LONP2: variants seen among roughly 807,000 people sequenced by gnomAD.
LONP2 encodes lon peptidase 2, peroxisomal.
A neutral mutation model predicts 85.6 loss-of-function variants in LONP2; 60 were observed. That is an observed-to-expected ratio of 0.70 (90% CI 0.57 to 0.87). The LOEUF (loss-of-function observed/expected upper bound fraction) is 0.87. Ranked by LOEUF, LONP2 falls within the 40% of genes least tolerant of loss-of-function variation. LONP2 has a pLI of 0.00. For missense variants in LONP2, 860 were observed against 1,063.5 expected, an observed-to-expected ratio of 0.81 and a Z score of 2.66; for synonymous variants, 395 against 389.7, an observed-to-expected ratio of 1.01 and a Z score of -0.16.
In LONP2 at chr16:48,329,268, A is replaced by G. The variant is rs78056591; in HGVS notation, c.1796-4948A>G. The stretch of plus-strand genomic sequence containing the variant: ...GAAATAATCCACTCGTAAGTTTTAA[A>G]TTGTGCACTATTCTGGGCAGTGTGA... On this transcript the variant is annotated intron_variant, in intron 11 of 14. Coordinates refer to ENST00000285737, the MANE Select transcript of LONP2 (RefSeq NM_031490.5). 5.8e-3 allele frequency among the ~76,000 whole-genome samples: 885 copies of G among 152,270 alleles called. 9 individuals are homozygous for G. The highest frequency in any genetic ancestry group is 0.02 in the African/African-American group (835 of 41,530).
At chr16:48,295,917 A>G in intron 8 of LONP2, 98 bp from the exon 9 acceptor site, 2 of 1,124,834 alleles carry the variant, frequency 1.8e-6, no homozygotes, top group Admixed American at 4.5e-5. Flanking sequence ...TCTGAGCAGA[A>G]ATACCAACCT....
downstream of LONP2, chr16:48,361,728 A>C: frequency 6.2e-7 from 1 of 1,614,200 alleles, no homozygotes; most frequent in Non-Finnish European, 8.5e-7. Context: ...TTCCCAAGTC[A>C]ATCGTCGCCT....
intron 11 of LONP2, among the ~76,000 whole-genome samples, chr16:48,303,782 C>T (rs1286377309): frequency 6.6e-6 from 1 of 152,154 alleles, no homozygotes; most frequent in African/African-American, 2.4e-5. Context: ...CACTGGCGTA[C>T]GTTCAAGAGT....
intron 1 of LONP2, among the ~76,000 whole-genome samples, chr16:48,248,597 G>T (rs1596897978): frequency 1.3e-5 from 2 of 152,184 alleles, no homozygotes; most frequent in Admixed American, 1.3e-4. Flanking sequence ...TCACAAAAGG[G>T]GATTAAAGAG....
rs1381802983 is a variant in LONP2 at position 48,353,959 on chromosome 16, C to T, written c.*2157C>T. 1.3e-5 allele frequency: 2 copies of T among 151,482 alleles called. No individual in the cohort carries two copies. The highest frequency in any genetic ancestry group is 2.9e-5 in the Non-Finnish European group (2 of 67,988). 9.4% of individuals were successfully genotyped at this position (151,482 alleles called of 1,614,324 possible). ...TCCCCTTGCTGTGTATGACATGGAACAGTATGACCATTGCACTAGCTTTGT... is the reference window on the plus strand; with the variant it reads ...TCCCCTTGCTGTGTATGACATGGAATAGTATGACCATTGCACTAGCTTTGT... On this transcript the variant is annotated 3_prime_UTR_variant, in exon 15 of 15. Transcript: ENST00000285737.
intron 8 of LONP2, among the ~76,000 whole-genome samples, chr16:48,278,976 C>A (rs1423901809): frequency 6.6e-6 from 1 of 151,892 alleles, no homozygotes; most frequent in Non-Finnish European, 1.5e-5. Context: ...TTTTAAAAAC[C>A]CTCTGAATTT....
intron 13 of LONP2, among the ~76,000 whole-genome samples, 156 bp from the exon 14 acceptor site, chr16:48,347,944 T>A (rs1307340684): frequency 6.6e-6 from 1 of 152,262 alleles, no homozygotes; most frequent in Non-Finnish European, 1.5e-5. Context: ...AGAATGGAAC[T>A]GTTCTTCCAC....
intron 11 of LONP2, among the ~76,000 whole-genome samples, chr16:48,321,320 T>G (rs1022277543): frequency 2.6e-5 from 4 of 152,204 alleles, no homozygotes; most frequent in African/African-American, 9.7e-5. Context: ...TCTAAATAAT[T>G]GTCTAGGAAT....
At chr16:48,258,800 G>C in intron 4 of LONP2, 60 bp downstream of exon 4, 2 of 1,456,002 alleles carry the variant, frequency 1.4e-6, no homozygotes, top group South Asian at 2.9e-5. Context: ...ATAAAGAGAG[G>C]AACAAAGAAG....
intron 11 of LONP2, among the ~76,000 whole-genome samples, chr16:48,310,964 G>A (rs1973017914): frequency 6.6e-6 from 1 of 152,118 alleles, no homozygotes; most frequent in Non-Finnish European, 1.5e-5. Flanking sequence ...TTTTCTTTAA[G>A]CACTTTGAAA....
intron 11 of LONP2, among the ~76,000 whole-genome samples, chr16:48,319,145 C>T (rs958078475): frequency 3.9e-5 from 6 of 151,932 alleles, no homozygotes; most frequent in South Asian, 4.2e-4. Context: ...TTTGGGAGGC[C>T]GAGGCAGGCA....
At chr16:48,333,647 CAAA>C (rs111794033) in intron 11 of LONP2, among the ~76,000 whole-genome samples, 3 of 87,612 alleles carry the variant, frequency 3.4e-5, no homozygotes, top group African/African-American at 1.3e-4. Context: ...GACACCATCT[CAAA>C]AAAAAAAAAA....
intron 8 of LONP2, among the ~76,000 whole-genome samples, chr16:48,283,868 G>A (rs894451833): frequency 7.9e-5 from 12 of 152,094 alleles, no homozygotes; most frequent in African/African-American, 2.7e-4. Context: ...GCATCAGGGC[G>A]AAGTACATTG....
rs16946038 is a variant in LONP2, at chr16:48,258,602, A to G, written c.601-16A>G. On this transcript the variant is annotated splice_polypyrimidine_tract_variant and intron_variant, in intron 3 of 14. Transcript: ENST00000285737. ...TTTCTGAGAGAGATCCTATTGATTG[A>G]CTCACATTTCCTTAGATTTTAGATG... The G allele has an allele frequency of 0.15, 237,737 of 1,581,788 alleles. 19,529 individuals are homozygous for G. Among genetic ancestry groups the G allele is most frequent in the African/African-American group, 0.24 (17,810 of 72,836 alleles).
intron 12 of LONP2, among the ~76,000 whole-genome samples, chr16:48,347,225 G>T (rs1959992394): frequency 6.6e-6 from 1 of 152,098 alleles, no homozygotes; most frequent in African/African-American, 2.4e-5. Flanking sequence ...TGAAAACTAG[G>T]GCATGTGTAG....
chr16:48,327,233 T>C (rs568202550), intron 11 of LONP2, among the ~76,000 whole-genome samples: 1 of 152,268 alleles, frequency 6.6e-6, no homozygotes, highest in South Asian at 2.1e-4. Flanking sequence ...ATTAAAGGTA[T>C]TAATAGGCCA....
intron 12 of LONP2, chr16:48,334,761 C>G: frequency 1.8e-6 from 1 of 554,232 alleles, no homozygotes; most frequent in Non-Finnish European, 3.6e-6. Flanking sequence ...CCCTACCTGT[C>G]TTGAATTTTG....
intron 4 of LONP2, 78 bp downstream of exon 4, chr16:48,258,818 T>G (rs1365256166): frequency 1.5e-6 from 2 of 1,327,120 alleles, no homozygotes; most frequent in Non-Finnish European, 2.0e-6. Context: ...AAGAAAAGTT[T>G]ATTGTCTCCT....
At chr16:48,277,562 C>G (rs1381732647) in intron 8 of LONP2, 83 bp downstream of exon 8, 1 of 1,352,622 alleles carries the variant, frequency 7.4e-7, no homozygotes. Flanking sequence ...GTGATATACA[C>G]AGTGGTGTAG....
Sources: allele counts gnomAD v4.1 joint callset (sites outside exome capture counted in the v4.1 genomes callset), GRCh38; gene constraint gnomAD v4.1.1; transcripts MANE v1.5; gene names NCBI Gene and HGNC (gene_info 2026-07-23, HGNC 2026-07-21).